Variants in MAGI2 observed in about 807,000 individuals in gnomAD.
MAGI2 encodes the protein membrane associated guanylate kinase, WW and PDZ domain containing 2.
MAGI2 carries 35 observed loss-of-function variants against 133.3 expected under a neutral mutation model. The ratio of observed to expected loss-of-function variants is 0.26; its 90% CI spans 0.20 to 0.35. MAGI2 has a LOEUF of 0.35. MAGI2 is among the 10% of genes least tolerant of loss of function. The pLI, the probability that MAGI2 is intolerant of heterozygous loss-of-function variation, is 1.00. For synonymous variants in MAGI2, 729 were observed against 710.6 expected, an observed-to-expected ratio of 1.03 and a Z score of -0.41; for missense variants, 1,636 against 1,863.4, an observed-to-expected ratio of 0.88 and a Z score of 2.25.
intron 6 of MAGI2, among the ~76,000 whole-genome samples, chr7:78,469,887 G>A (rs930175721): frequency 5.9e-5 from 9 of 152,022 alleles, no homozygotes; most frequent in South Asian, 2.1e-4. Context: ...TTATTTTTGC[G>A]TGCATGTTTT....
At chr7:78,975,790 A>G (rs1225740731) in intron 2 of MAGI2, among the ~76,000 whole-genome samples, 1 of 151,652 alleles carries the variant, frequency 6.6e-6, no homozygotes, top group Non-Finnish European at 1.5e-5. Context: ...TCAAGAAAAA[A>G]AGGGAGATGA....
At chr7:78,284,766 G>T (rs891630629) in intron 9 of MAGI2, among the ~76,000 whole-genome samples, 1 of 152,000 alleles carries the variant, frequency 6.6e-6, no homozygotes, top group African/African-American at 2.4e-5. Context: ...AGAATCAGCC[G>T]CTAGTGTGTC....
chr7:78,676,781 T>C (rs751093807), intron 2 of MAGI2, among the ~76,000 whole-genome samples: 5 of 152,140 alleles, frequency 3.3e-5, no homozygotes, highest in Non-Finnish European at 5.9e-5. Context: ...GATATTATAC[T>C]AATGCTAGCA....
chr7:78,646,578 C>A (rs1407824947), intron 2 of MAGI2, among the ~76,000 whole-genome samples: 1 of 152,094 alleles, frequency 6.6e-6, no homozygotes, highest in East Asian at 1.9e-4. Flanking sequence ...AACTCCTTTG[C>A]AAATATTTTT....
At chr7:79,266,438 C>T (rs1048724577) in intron 1 of MAGI2, among the ~76,000 whole-genome samples, 1 of 152,194 alleles carries the variant, frequency 6.6e-6, no homozygotes, top group East Asian at 1.9e-4. Flanking sequence ...TGATTACCCA[C>T]AGAAGATTAT....
At chr7:79,003,229 C>A (rs555408842) in intron 2 of MAGI2, among the ~76,000 whole-genome samples, 55 of 152,052 alleles carry the variant, frequency 3.6e-4, no homozygotes, top group Admixed American at 5.9e-4. Flanking sequence ...GGAGCCCTAG[C>A]TCTAGAACTC....
chr7:78,962,843 T>TC (rs1802966069), intron 2 of MAGI2, among the ~76,000 whole-genome samples: 1 of 136,374 alleles, frequency 7.3e-6, no homozygotes, highest in Non-Finnish European at 1.6e-5. Flanking sequence ...ATTAAACTCT[T>TC]TTAAGTGAAA....
At chr7:78,492,322 C>T (rs933800397) in intron 5 of MAGI2, among the ~76,000 whole-genome samples, 2 of 151,946 alleles carry the variant, frequency 1.3e-5, no homozygotes, top group Non-Finnish European at 2.9e-5. Context: ...ATAGTTAACA[C>T]CATTTTTAGC....
intron 2 of MAGI2, among the ~76,000 whole-genome samples, chr7:78,997,879 TATC>T (rs1271907320): frequency 6.6e-6 from 1 of 152,216 alleles, no homozygotes; most frequent in Non-Finnish European, 1.5e-5. Flanking sequence ...CAATGTTAAA[TATC>T]ATTTCATAAA....
intron 2 of MAGI2, among the ~76,000 whole-genome samples, chr7:78,765,154 T>C (rs773202428): frequency 2.0e-5 from 3 of 152,102 alleles, no homozygotes; most frequent in Non-Finnish European, 4.4e-5. Flanking sequence ...ACATGGAAAA[T>C]CCTGACAGAA....
chr7:78,595,126 A>G (rs1804460045), intron 3 of MAGI2, among the ~76,000 whole-genome samples: 2 of 149,672 alleles, frequency 1.3e-5, no homozygotes, highest in Admixed American at 6.6e-5. Context: ...ACTGGGCCAC[A>G]GGAATAAGCA....
chr7:79,149,906 T>C (rs530934188), intron 1 of MAGI2, among the ~76,000 whole-genome samples: 1 of 152,336 alleles, frequency 6.6e-6, no homozygotes, highest in Admixed American at 6.5e-5. Context: ...AAGACTTTAG[T>C]AGGAAATTCC....
At chr7:78,856,298 T>C (rs1793626452) in intron 2 of MAGI2, among the ~76,000 whole-genome samples, 1 of 152,224 alleles carries the variant, frequency 6.6e-6, no homozygotes, top group Non-Finnish European at 1.5e-5. Flanking sequence ...GCCATTGCTT[T>C]TGGTGTTTTA....
At chr7:79,393,886 C>G (rs755772225) in intron 1 of MAGI2, among the ~76,000 whole-genome samples, 2 of 152,170 alleles carry the variant, frequency 1.3e-5, no homozygotes, top group African/African-American at 4.8e-5. Context: ...TTAGGCTCCG[C>G]TCTGCTTAAA....
In MAGI2 at chr7:78,529,843, C is replaced by T. The variant is rs144340216; in HGVS notation, c.539-8198G>A. Among the ~76,000 whole-genome samples the T allele has an allele frequency of 1.7e-3, 255 of 150,688 alleles. 2 individuals are homozygous for T. Among genetic ancestry groups the T allele is most frequent in the African/African-American group, 5.9e-3 (243 of 41,188 alleles). ...ATCATCTTAAAATTTTCTAGTTAGCCATATTAAAAGAGAAAAAATGTGAAA... is the reference window on the plus strand; with the variant it reads ...ATCATCTTAAAATTTTCTAGTTAGCTATATTAAAAGAGAAAAAATGTGAAA... On this transcript the variant is annotated intron_variant, in intron 3 of 21. Transcript: ENST00000354212.
At chr7:79,231,930 T>C (rs1464625538) in intron 1 of MAGI2, among the ~76,000 whole-genome samples, 1 of 152,144 alleles carries the variant, frequency 6.6e-6, no homozygotes, top group Non-Finnish European at 1.5e-5. Context: ...GGCTGTGGGT[T>C]TGTCATAGAC....
intron 1 of MAGI2, among the ~76,000 whole-genome samples, chr7:79,445,057 A>T (rs1240219474): frequency 6.6e-6 from 1 of 152,196 alleles, no homozygotes; most frequent in African/African-American, 2.4e-5. Context: ...AAAAACAAGC[A>T]ATGGGGAAAG....
chr7:79,221,456 C>T (rs1830439915), intron 1 of MAGI2, among the ~76,000 whole-genome samples: 1 of 151,926 alleles, frequency 6.6e-6, no homozygotes, highest in African/African-American at 2.4e-5. Flanking sequence ...TAATGCACAG[C>T]TGTATATTTT....
intron 10 of MAGI2, among the ~76,000 whole-genome samples, chr7:78,217,253 T>C (rs1340132781): frequency 3.3e-5 from 5 of 152,154 alleles, no homozygotes; most frequent in Non-Finnish European, 7.3e-5. Flanking sequence ...GGCCAAAGTT[T>C]TTGCATCTGT....
Sources: allele counts gnomAD v4.1 joint callset (sites outside exome capture counted in the v4.1 genomes callset), GRCh38; gene constraint gnomAD v4.1.1; transcripts MANE v1.5; gene names NCBI Gene and HGNC (gene_info 2026-07-23, HGNC 2026-07-21).